GRM1: variants seen among roughly 807,000 people sequenced by gnomAD.
GRM1 encodes the protein glutamate metabotropic receptor 1.
In GRM1, 33 loss-of-function variants were observed where a neutral mutation model predicts 90.9. That is an observed-to-expected ratio of 0.36 (90% CI 0.28 to 0.49). The LOEUF (loss-of-function observed/expected upper bound fraction) is 0.49, where lower values mean the gene tolerates loss of function less well. GRM1 is among the 20% of genes least tolerant of loss of function. The pLI, the probability that GRM1 is intolerant of heterozygous loss-of-function variation, is 0.99. For missense variants in GRM1, 1,190 were observed against 1,534.3 expected (o/e 0.78, Z 3.75); for synonymous variants, 700 against 613.2 (o/e 1.14, Z -2.09).
intron 2 of GRM1, among the ~76,000 whole-genome samples, chr6:146,182,380 G>T (rs1280497071): frequency 2.0e-5 from 3 of 151,882 alleles, no homozygotes; most frequent in Non-Finnish European, 2.9e-5. Flanking sequence ...TTTTGAATTT[G>T]TCTTGATTGC....
At chr6:146,039,643 T>C (rs1033017769) in intron 1 of GRM1, among the ~76,000 whole-genome samples, 1 of 151,904 alleles carries the variant, frequency 6.6e-6, no homozygotes, top group Non-Finnish European at 1.5e-5. Flanking sequence ...CTGAAGGCCA[T>C]TGATGGTTGA....
At chr6:146,203,974 G>C (rs553349054) in intron 2 of GRM1, among the ~76,000 whole-genome samples, 5 of 152,154 alleles carry the variant, frequency 3.3e-5, no homozygotes, top group South Asian at 2.1e-4. Context: ...CTATACCAAC[G>C]TTTTATAAGA....
intron 3 of GRM1, among the ~76,000 whole-genome samples, chr6:146,311,196 C>T (rs186894817): frequency 3.3e-5 from 5 of 152,230 alleles, no homozygotes; most frequent in Admixed American, 3.3e-4. Flanking sequence ...TTTAAAGCCC[C>T]CTTGATCCTA....
chr6:146,147,494 G>A (rs113662776), intron 1 of GRM1, among the ~76,000 whole-genome samples: 506 of 152,240 alleles, frequency 3.3e-3, no homozygotes, highest in Non-Finnish European at 6.1e-3. Context: ...GGATCACAAG[G>A]CATTTGTGTT....
intron 3 of GRM1, among the ~76,000 whole-genome samples, chr6:146,308,172 CTG>C: frequency 6.6e-6 from 1 of 152,302 alleles, no homozygotes; most frequent in Non-Finnish European, 1.5e-5. Context: ...TCCATAGAAG[CTG>C]ATAGGGTGTA....
chr6:146,030,517 G>A (rs952649696), intron 1 of GRM1, among the ~76,000 whole-genome samples: 2 of 152,184 alleles, frequency 1.3e-5, no homozygotes, highest in Non-Finnish European at 2.9e-5. Context: ...CATATTTTGA[G>A]TTTGCGTTTG....
At chr6:146,391,029 T>C (rs979257590) in intron 6 of GRM1, among the ~76,000 whole-genome samples, 3 of 152,202 alleles carry the variant, frequency 2.0e-5, no homozygotes, top group East Asian at 1.9e-4. Flanking sequence ...GGGAAGCATT[T>C]TGATGAAGGT....
At chr6:146,166,398 A>G (rs1232371105) in intron 2 of GRM1, among the ~76,000 whole-genome samples, 1 of 152,172 alleles carries the variant, frequency 6.6e-6, no homozygotes, top group Non-Finnish European at 1.5e-5. Context: ...GAAAGGGAAG[A>G]CAAAGTGAAA....
chr6:146,288,193 G>A (rs1261986759), intron 2 of GRM1, among the ~76,000 whole-genome samples: 3 of 152,176 alleles, frequency 2.0e-5, no homozygotes, highest in African/African-American at 7.2e-5. Flanking sequence ...GGAGTACTCT[G>A]GAGGGTGTGA....
chr6:146,362,776 GA>G (rs1775539358), intron 5 of GRM1, among the ~76,000 whole-genome samples: 1 of 150,464 alleles, frequency 6.6e-6, no homozygotes, highest in Admixed American at 6.6e-5. Context: ...AAGAAAAGAA[GA>G]CTGCTTAATT....
chr6:146,370,751 C>G (rs1775867326), intron 5 of GRM1, among the ~76,000 whole-genome samples: 1 of 152,018 alleles, frequency 6.6e-6, no homozygotes, highest in Non-Finnish European at 1.5e-5. Flanking sequence ...TTGGAAATAA[C>G]TTGACTGAGG....
At chr6:146,354,025 C>G (rs577541667) in intron 4 of GRM1, among the ~76,000 whole-genome samples, 4 of 152,288 alleles carry the variant, frequency 2.6e-5, no homozygotes, top group African/African-American at 9.6e-5. Flanking sequence ...GCTTGAAGTC[C>G]TGCACTTAGG....
At chr6:146,088,979 C>T (rs1475815291) in intron 1 of GRM1, among the ~76,000 whole-genome samples, 1 of 152,102 alleles carries the variant, frequency 6.6e-6, no homozygotes, top group African/African-American at 2.4e-5. Context: ...CCATGATGGC[C>T]ATTCTTGATG....
chr6:146,434,882 TG>T lies in GRM1; in HGVS notation c.*89del. On this transcript the variant is annotated 3_prime_UTR_variant, in exon 8 of 8. Coordinates refer to ENST00000282753, the MANE Select transcript of GRM1 (RefSeq NM_001278064.2). ...GTGCAAACAGCTGGGAGGAAAAGCC[TG>T]GGAGTGGGGGGCCTCGTCGGGAGGA... The T allele has an allele frequency of 8.3e-7, 1 of 1,211,278 alleles. No homozygotes were observed. Among genetic ancestry groups the T allele is most frequent in the South Asian group, 1.2e-5 (1 of 82,026 alleles). The allele number at this position is 1,211,278 out of a possible 1,614,324, so 75.0% of individuals were successfully genotyped here. A position where few individuals can be genotyped will look rare whatever the true frequency, so the allele number is the denominator to read the frequency against.
intron 1 of GRM1, among the ~76,000 whole-genome samples, chr6:146,061,700 A>G (rs1201642022): frequency 6.6e-6 from 1 of 151,720 alleles, no homozygotes; most frequent in East Asian, 1.9e-4. Flanking sequence ...TATGCAGCCA[A>G]CAAACATGTG....
intron 1 of GRM1, among the ~76,000 whole-genome samples, chr6:146,117,427 T>G (rs191997615): frequency 1.3e-5 from 2 of 152,166 alleles, no homozygotes; most frequent in African/African-American, 4.8e-5. Context: ...ATTTCATTTT[T>G]TATTGACCTA....
chr6:146,393,443 G>C (rs1776805354), intron 6 of GRM1, among the ~76,000 whole-genome samples: 1 of 151,972 alleles, frequency 6.6e-6, no homozygotes, highest in Non-Finnish European at 1.5e-5. Flanking sequence ...TTGTCAGATG[G>C]ATAGATTGCA....
intron 2 of GRM1, among the ~76,000 whole-genome samples, chr6:146,223,317 A>T (rs1004763495): frequency 6.6e-6 from 1 of 152,114 alleles, no homozygotes; most frequent in African/African-American, 2.4e-5. Flanking sequence ...TTTCCATCTA[A>T]GCCATATTTA....
intron 1 of GRM1, among the ~76,000 whole-genome samples, chr6:146,125,997 G>A (rs902701498): frequency 6.6e-5 from 10 of 151,806 alleles, no homozygotes; most frequent in Middle Eastern, 3.2e-3. Context: ...AAATTCTGAC[G>A]AAGTGATATA....
Sources: gnomAD v4.1 joint callset for allele counts (sites outside exome capture counted in the v4.1 genomes callset) on GRCh38, gnomAD v4.1.1 for gene constraint, MANE v1.5 for transcripts, NCBI Gene and HGNC (gene_info 2026-07-23, HGNC 2026-07-21) for gene names.